The following NALF1 variants were observed in gnomAD, a reference collection of about 807,000 sequenced individuals.
The protein encoded by NALF1 is NALCN channel auxiliary factor 1.
Under a neutral mutation model 48.4 loss-of-function variants are expected in NALF1, and 3 were observed. The ratio of observed to expected loss-of-function variants is 0.06; its 90% CI spans 0.03 to 0.16. NALF1 has a LOEUF of 0.16. Among genes scored for constraint, NALF1 ranks in the 10% least tolerant of loss-of-function variants. The probability of loss-of-function intolerance (pLI) is 1.00; values close to 1 mark genes in which losing one functional copy is unlikely to be tolerated. For synonymous variants in NALF1, 262 were observed against 245.7 expected, an observed-to-expected ratio of 1.07 and a Z score of -0.62; for missense variants, 526 against 571.5, an observed-to-expected ratio of 0.92 and a Z score of 0.81.
At chr13:107,636,342 AAC>A (rs1281978809) in intron 1 of NALF1, among the ~76,000 whole-genome samples, 3 of 152,204 alleles carry the variant, frequency 2.0e-5, no homozygotes, top group African/African-American at 7.2e-5. Flanking sequence ...AAAGCTTTAA[AAC>A]AAACACAAAT....
intron 1 of NALF1, among the ~76,000 whole-genome samples, chr13:107,850,850 C>A (rs1233283325): frequency 2.0e-5 from 3 of 151,844 alleles, no homozygotes; most frequent in Admixed American, 6.6e-5. Context: ...TTGCAGCGAG[C>A]CAAGATAGCA....
intron 1 of NALF1, among the ~76,000 whole-genome samples, chr13:107,637,108 G>A (rs1879999082): frequency 6.6e-6 from 1 of 151,810 alleles, no homozygotes; most frequent in South Asian, 2.1e-4. Flanking sequence ...TATAGCCTAG[G>A]TGTATCATAG....
intron 1 of NALF1, among the ~76,000 whole-genome samples, chr13:107,312,488 G>C (rs976716585): frequency 2.0e-5 from 3 of 151,982 alleles, no homozygotes; most frequent in African/African-American, 7.3e-5. Context: ...GAGTTAATGG[G>C]TGCAGCACAC....
At chr13:107,708,044 C>T (rs1177394554) in intron 1 of NALF1, among the ~76,000 whole-genome samples, 1 of 150,912 alleles carries the variant, frequency 6.6e-6, no homozygotes, top group African/African-American at 2.4e-5. Flanking sequence ...CTGGATAGCA[C>T]CAAAGAAATA....
At chr13:107,234,604 G>A (rs1880300308) in intron 1 of NALF1, among the ~76,000 whole-genome samples, 1 of 152,000 alleles carries the variant, frequency 6.6e-6, no homozygotes, top group African/African-American at 2.4e-5. Context: ...GAACCTCCGA[G>A]ATCATCTGCT....
chr13:107,710,398 C>T (rs1875531658), intron 1 of NALF1, among the ~76,000 whole-genome samples: 1 of 152,034 alleles, frequency 6.6e-6, no homozygotes, highest in Admixed American at 6.5e-5. Flanking sequence ...ACCAGGTGTT[C>T]TGGATTAGGG....
intron 1 of NALF1, among the ~76,000 whole-genome samples, chr13:107,812,783 T>C (rs574723739): frequency 3.9e-5 from 6 of 151,966 alleles, no homozygotes; most frequent in Admixed American, 2.0e-4. Flanking sequence ...GTTGTTGTTT[T>C]TCATTTTTTT....
chr13:107,281,109 A>C (rs1881377425), intron 1 of NALF1, among the ~76,000 whole-genome samples: 1 of 152,220 alleles, frequency 6.6e-6, no homozygotes, highest in Non-Finnish European at 1.5e-5. Flanking sequence ...AATTTATTCC[A>C]AAAATATCTA....
chr13:107,720,426 G>A lies in NALF1; in HGVS notation c.915+145256C>T, dbSNP rs760369704. 3.1e-4 allele frequency among the ~76,000 whole-genome samples: 42 copies of A among 137,426 alleles called. 1 individual carries two copies. The highest frequency in any genetic ancestry group is 1.4e-3 in the South Asian group (6 of 4,234). The allele number at this position is 137,426 out of a possible 152,430, so 90.2% of individuals were successfully genotyped here. On this transcript the variant is annotated intron_variant, in intron 1 of 2. Transcript: ENST00000375915. ...CTTGGGAGGCTGAGGCAAGAGAATC[G>A]CTTGAACCCAAGAGGCAGAGGCTGC...
At chr13:107,487,608 C>T (rs577077729) in intron 1 of NALF1, among the ~76,000 whole-genome samples, 3 of 152,088 alleles carry the variant, frequency 2.0e-5, no homozygotes, top group Non-Finnish European at 2.9e-5. Context: ...TTGAACCAAC[C>T]TTGGATTCCG....
chr13:107,771,577 G>T (rs1487117621), intron 1 of NALF1, among the ~76,000 whole-genome samples: 2 of 151,418 alleles, frequency 1.3e-5, no homozygotes, highest in Non-Finnish European at 2.9e-5. Context: ...ACTCCATTTT[G>T]AGTCAGTGTT....
intron 1 of NALF1, among the ~76,000 whole-genome samples, chr13:107,618,356 G>C (rs999602685): frequency 6.6e-6 from 1 of 152,210 alleles, no homozygotes; most frequent in East Asian, 1.9e-4. Context: ...TGAGCAAAGG[G>C]AGGAGGTTGA....
At chr13:107,544,746 G>A (rs1447535040) in intron 1 of NALF1, among the ~76,000 whole-genome samples, 2 of 152,150 alleles carry the variant, frequency 1.3e-5, no homozygotes, top group Non-Finnish European at 2.9e-5. Flanking sequence ...TTTGTGACAG[G>A]ACTTTCATCC....
intron 1 of NALF1, among the ~76,000 whole-genome samples, chr13:107,687,951 T>C (rs1358754821): frequency 6.6e-6 from 1 of 152,156 alleles, no homozygotes; most frequent in East Asian, 1.9e-4. Context: ...CAAAAATATA[T>C]TTAATTTTCA....
At chr13:107,628,422 A>C (rs1879743003) in intron 1 of NALF1, among the ~76,000 whole-genome samples, 1 of 152,018 alleles carries the variant, frequency 6.6e-6, no homozygotes, top group South Asian at 2.1e-4. Context: ...TATTTCCTTC[A>C]AGGAGAATGC....
chr13:107,499,128 C>A (rs1555637), intron 1 of NALF1, among the ~76,000 whole-genome samples: 78,282 of 151,782 alleles, frequency 0.52, 20,826 homozygotes, highest in African/African-American at 0.62. Context: ...TAAGTGTTTT[C>A]ATTATTTTTG....
chr13:107,213,437 T>C (rs1879809545), intron 1 of NALF1, among the ~76,000 whole-genome samples: 1 of 152,166 alleles, frequency 6.6e-6, no homozygotes, highest in Non-Finnish European at 1.5e-5. Flanking sequence ...AGCTACCTCC[T>C]GGGCTTTGAG....
At chr13:107,692,504 A>G (rs369400456) in intron 1 of NALF1, among the ~76,000 whole-genome samples, 9 of 152,272 alleles carry the variant, frequency 5.9e-5, no homozygotes, top group East Asian at 1.9e-4. Flanking sequence ...TATTATGCCA[A>G]TCTGGCCCAG....
At chr13:107,467,655 G>C (rs1362775847) in intron 1 of NALF1, among the ~76,000 whole-genome samples, 3 of 152,006 alleles carry the variant, frequency 2.0e-5, no homozygotes, top group African/African-American at 7.2e-5. Flanking sequence ...CATTTAGTAG[G>C]GGAAATAGCC....
Sources: gnomAD v4.1 joint callset for allele counts (sites outside exome capture counted in the v4.1 genomes callset) on GRCh38, gnomAD v4.1.1 for gene constraint, MANE v1.5 for transcripts, NCBI Gene and HGNC (gene_info 2026-07-23, HGNC 2026-07-21) for gene names.